The following STK3 variants were observed in gnomAD, a reference collection of about 807,000 sequenced individuals.
STK3 encodes serine/threonine-protein kinase 3.
STK3 carries 41 observed loss-of-function variants against 58.0 expected under a neutral mutation model. The observed-to-expected ratio is 0.71, with a 90% CI of 0.55 to 0.92. The LOEUF (loss-of-function observed/expected upper bound fraction) is 0.92, where lower values mean the gene tolerates loss of function less well. Ranked by LOEUF, STK3 falls within the 40% of genes least tolerant of loss-of-function variation. STK3 has a pLI of 0.00. For synonymous variants in STK3, 170 were observed against 191.0 expected, an observed-to-expected ratio of 0.89 and a Z score of 0.91; for missense variants, 479 against 602.7, an observed-to-expected ratio of 0.79 and a Z score of 2.15.
At chr8:98,469,809 G>T (rs1027439040) in intron 10 of STK3, among the ~76,000 whole-genome samples, 11 of 152,142 alleles carry the variant, frequency 7.2e-5, no homozygotes, top group African/African-American at 2.4e-4. Context: ...CATATTGTTG[G>T]TTTACCTCCT....
chr8:98,791,036 G>A (rs559343196), intron 1 of STK3, among the ~76,000 whole-genome samples: 2 of 151,290 alleles, frequency 1.3e-5, no homozygotes, highest in Non-Finnish European at 2.9e-5. Flanking sequence ...AGCTGTTGCT[G>A]TTTGCTGATG....
At chr8:98,445,451 ATAT>A (rs934388453) in intron 1 of STK3, among the ~76,000 whole-genome samples, 22 of 152,242 alleles carry the variant, frequency 1.4e-4, no homozygotes, top group East Asian at 5.8e-4. Flanking sequence ...CATATCCAAA[ATAT>A]TATTATTTCA....
chr8:98,820,622 A>C (rs1358676582), intron 1 of STK3, among the ~76,000 whole-genome samples: 1 of 151,996 alleles, frequency 6.6e-6, no homozygotes, highest in Middle Eastern at 3.2e-3. Context: ...TTACCTTTCT[A>C]CCTATCAAAG....
chr8:98,677,352 G>GA (rs1823301261), intron 6 of STK3, among the ~76,000 whole-genome samples: 1 of 55,534 alleles, frequency 1.8e-5, no homozygotes, highest in African/African-American at 6.7e-5. Context: ...CGCCCCCACC[G>GA]CCACCCAACT....
chr8:98,928,496 T>G (rs6990699), intron 1 of STK3, among the ~76,000 whole-genome samples: 12 of 152,192 alleles, frequency 7.9e-5, no homozygotes, highest in African/African-American at 2.9e-4. Flanking sequence ...GGTTAGTTAG[T>G]CCCTCAGGAA....
At chr8:98,407,767 C>CGT (rs1563594595) in intron 3 of STK3, among the ~76,000 whole-genome samples, 3 of 151,166 alleles carry the variant, frequency 2.0e-5, no homozygotes, top group East Asian at 2.0e-4. Context: ...TGCGCGCGCG[C>CGT]GCGCATGCAT....
In STK3 at chr8:98,578,522, A is replaced by G. The variant is rs542158990; in HGVS notation, c.948+1142T>C. Reference sequence around the variant, plus strand: ...ACATTTCTCCTTGTCCTGGGCTACCATGTGATAAAAGGTTTTATAATTGGT... The same window carrying G: ...ACATTTCTCCTTGTCCTGGGCTACCGTGTGATAAAAGGTTTTATAATTGGT... On this transcript the variant is annotated intron_variant, in intron 8 of 10. Coordinates refer to ENST00000419617, the MANE Select transcript of STK3 (RefSeq NM_006281.4). Among the ~76,000 whole-genome samples, 36 of 152,328 alleles carry G rather than the reference A, an allele frequency of 2.4e-4. 2 individuals are homozygous for G. The highest frequency in any genetic ancestry group is 3.4e-3 in the Middle Eastern group (1 of 294).
At chr8:98,748,991 C>T (rs1173958829) in intron 4 of STK3, among the ~76,000 whole-genome samples, 1 of 151,740 alleles carries the variant, frequency 6.6e-6, no homozygotes, top group Non-Finnish European at 1.5e-5. Flanking sequence ...TTAAACAACA[C>T]ACACACACGC....
At chr8:98,474,253 T>C (rs1053826528) in intron 10 of STK3, among the ~76,000 whole-genome samples, 1 of 152,188 alleles carries the variant, frequency 6.6e-6, no homozygotes, top group Non-Finnish European at 1.5e-5. Context: ...TTTCCTTCTA[T>C]CTTTGCTCCC....
chr8:98,358,156 A>T, the STK3 span, among the ~76,000 whole-genome samples: 3 of 152,180 alleles, frequency 2.0e-5, no homozygotes, highest in African/African-American at 4.8e-5. Flanking sequence ...TTAAAAGTGC[A>T]CACCCCAAGA....
intron 10 of STK3, among the ~76,000 whole-genome samples, chr8:98,461,674 C>G (rs555687456): frequency 1.3e-5 from 2 of 152,270 alleles, no homozygotes; most frequent in East Asian, 3.9e-4. Flanking sequence ...CGTAGGGATG[C>G]TCTGGTAGTG....
At chr8:98,372,817 C>A (rs765799778) in intron 2 of STK3, among the ~76,000 whole-genome samples, 3 of 152,212 alleles carry the variant, frequency 2.0e-5, no homozygotes, top group Non-Finnish European at 4.4e-5. Context: ...CTGCTCCCTT[C>A]CAGCTGCGTG....
intron 4 of STK3, among the ~76,000 whole-genome samples, chr8:98,735,768 C>A (rs769156195): frequency 6.6e-6 from 1 of 152,112 alleles, no homozygotes; most frequent in Non-Finnish European, 1.5e-5. Context: ...TAGACAAAAT[C>A]TCTACCCTTT....
chr8:98,382,463 G>GC (rs1280845619), intron 1 of STK3, among the ~76,000 whole-genome samples: 1 of 152,138 alleles, frequency 6.6e-6, no homozygotes, highest in Admixed American at 6.5e-5. Context: ...GACATTCCCA[G>GC]CCCCAGGGTG....
At chr8:98,634,892 G>C (rs558732805) in intron 6 of STK3, among the ~76,000 whole-genome samples, 1 of 152,094 alleles carries the variant, frequency 6.6e-6, no homozygotes, top group Admixed American at 6.5e-5. Flanking sequence ...AAGTAGCTGG[G>C]ACTACAGGCA....
intron 2 of STK3, chr8:98,434,430 TG>T (rs1818412705): frequency 6.6e-6 from 1 of 152,242 alleles, no homozygotes; most frequent in African/African-American, 2.4e-5. Flanking sequence ...AAATGTTGCA[TG>T]TACACGGTTA....
intron 6 of STK3, chr8:98,597,960 TA>T (rs949752371): frequency 1.0e-5 from 10 of 984,680 alleles, no homozygotes; most frequent in Admixed American, 6.2e-5. Context: ...AAAAAATGAG[TA>T]AAATGGGGTT....
chr8:98,762,517 G>C (rs1367531854), intron 3 of STK3, among the ~76,000 whole-genome samples: 1 of 152,178 alleles, frequency 6.6e-6, no homozygotes, highest in East Asian at 1.9e-4. Context: ...GCCTCCCAAA[G>C]TGCTGGGATT....
chr8:98,589,983 C>G (rs1815137592), intron 7 of STK3, among the ~76,000 whole-genome samples: 1 of 152,168 alleles, frequency 6.6e-6, no homozygotes, highest in Non-Finnish European at 1.5e-5. Flanking sequence ...CACCCACTGA[C>G]CTGCGCCCAC....
Sources: gnomAD v4.1 joint callset for allele counts (sites outside exome capture counted in the v4.1 genomes callset) on GRCh38, gnomAD v4.1.1 for gene constraint, MANE v1.5 for transcripts, NCBI Gene and HGNC (gene_info 2026-07-23, HGNC 2026-07-21) for gene names.